Variants in CSMD2 observed in about 807,000 individuals in gnomAD.
The protein encoded by CSMD2 is CUB and Sushi multiple domains 2.
CSMD2 carries 130 observed loss-of-function variants against 398.5 expected under a neutral mutation model. That is an observed-to-expected ratio of 0.33 (90% CI 0.28 to 0.38). The LOEUF (loss-of-function observed/expected upper bound fraction) is 0.38. Ranked by LOEUF, CSMD2 falls within the 10% of genes least tolerant of loss-of-function variation. The pLI is 1.00. For synonymous variants in CSMD2, 1,828 were observed against 1,908.5 expected (o/e 0.96, Z 1.10); for missense variants, 3,829 against 4,764.9 (o/e 0.80, Z 5.78).
intron 46 of CSMD2, among the ~76,000 whole-genome samples, chr1:33,584,386 T>C (rs1257829242): frequency 6.6e-6 from 1 of 152,156 alleles, no homozygotes; most frequent in East Asian, 1.9e-4. Flanking sequence ...TATAAAATAT[T>C]ACATGCTGGG....
intron 3 of CSMD2, among the ~76,000 whole-genome samples, chr1:34,016,109 T>A (rs1354356109): frequency 6.6e-6 from 1 of 152,152 alleles, no homozygotes; most frequent in East Asian, 1.9e-4. Context: ...TTAAGATTTA[T>A]AGTTTATCAT....
chr1:33,681,172 C>T (rs376654799), intron 25 of CSMD2, among the ~76,000 whole-genome samples: 8 of 151,994 alleles, frequency 5.3e-5, no homozygotes, highest in African/African-American at 1.2e-4. Context: ...GATTCACCTC[C>T]CTCAGCCTCC....
chr1:33,691,393 T>C (rs1645234840), intron 25 of CSMD2, among the ~76,000 whole-genome samples: 1 of 152,170 alleles, frequency 6.6e-6, no homozygotes. Flanking sequence ...TCCCTAACAA[T>C]GCAAAGTCCC....
intron 1 of CSMD2, among the ~76,000 whole-genome samples, chr1:34,135,242 TCACACACACACACA>T (rs66898227): frequency 3.7e-5 from 5 of 135,604 alleles, no homozygotes; most frequent in South Asian, 2.4e-4. Context: ...CATGTTGAAA[TCACACACACACACA>T]CACACACACA....
chr1:34,082,778 C>T (rs7533819), intron 2 of CSMD2, among the ~76,000 whole-genome samples: 1,809 of 152,158 alleles, frequency 0.012, 27 homozygotes, highest in African/African-American at 0.04. Context: ...CCCCCAACCC[C>T]GTGCTCTCTG....
At chr1:33,815,102 G>T (rs1473140738) in intron 9 of CSMD2, among the ~76,000 whole-genome samples, 2 of 152,088 alleles carry the variant, frequency 1.3e-5, no homozygotes, top group African/African-American at 2.4e-5. Context: ...TTCATGGTTT[G>T]CCATCACAAT....
chr1:33,616,869 T>A, intron 39 of CSMD2, 37 bp downstream of exon 39: 1 of 1,545,248 alleles, frequency 6.5e-7, no homozygotes, highest in South Asian at 1.1e-5. Context: ...TGAGAGAAAA[T>A]TGGTTGGAAT....
At chr1:34,070,078 T>C (rs1415554334) in intron 2 of CSMD2, among the ~76,000 whole-genome samples, 3 of 152,202 alleles carry the variant, frequency 2.0e-5, no homozygotes, top group Admixed American at 6.5e-5. Flanking sequence ...CGGCACTATC[T>C]AATTAAAGAA....
chr1:33,968,713 G>T (rs1645648003), intron 3 of CSMD2, among the ~76,000 whole-genome samples: 1 of 152,162 alleles, frequency 6.6e-6, no homozygotes, highest in South Asian at 2.1e-4. Context: ...CTTGACAGCA[G>T]CCTTTTGAAA....
intron 13 of CSMD2, among the ~76,000 whole-genome samples, chr1:33,753,097 A>G (rs478316): frequency 0.38 from 57,448 of 151,946 alleles, 12,514 homozygotes; most frequent in African/African-American, 0.61. Flanking sequence ...TTGCAACCTG[A>G]CCCTGTGGTA....
intron 1 of CSMD2, among the ~76,000 whole-genome samples, chr1:34,091,518 A>G (rs1658559457): frequency 6.6e-6 from 1 of 152,186 alleles, no homozygotes; most frequent in Non-Finnish European, 1.5e-5. Flanking sequence ...TTTCTTCACC[A>G]TGATGCTGAT....
Position 34,040,408 on chromosome 1 carries a change from C to CCTTTT in CSMD2, c.405-7707_405-7703dup, listed in dbSNP as rs139988848. Among the ~76,000 whole-genome samples the CCTTTT allele has an allele frequency of 6.8e-3, 1,029 of 152,160 alleles. 11 individuals carry two copies. Among genetic ancestry groups the CCTTTT allele is most frequent in the East Asian group, 0.049 (252 of 5,176 alleles). On this transcript the variant is annotated intron_variant, in intron 2 of 70. Coordinates refer to ENST00000373381, the MANE Select transcript of CSMD2 (RefSeq NM_001281956.2). The stretch of plus-strand genomic sequence containing the variant: ...AACCTGACCTATCCTGACTGACATC[C>CCTTTT]CTTTTCTTTTCTTTTCTTTACTAGC...
At chr1:33,977,955 G>C (rs1245363595) in intron 3 of CSMD2, among the ~76,000 whole-genome samples, 3 of 148,144 alleles carry the variant, frequency 2.0e-5, no homozygotes, top group Non-Finnish European at 4.5e-5. Context: ...GATTCACAAT[G>C]TGGGAAGGGC....
chr1:33,569,433 G>A lies in CSMD2; in HGVS notation c.8072C>T (p.Ser2691Phe). ...SCNSGYTLVG[S>F]RVRECMANGL... ...ATTGGCCATGCACTCACGCACCCTG[G>A]AGCCCACCAGTGTGTATCCGGAATT... The change falls in exon 52 of 71, where the codon TCC (serine) becomes TTC (phenylalanine). Residue 2691 changes from serine to phenylalanine, a missense_variant. Coordinates refer to ENST00000373381, the MANE Select transcript of CSMD2 (RefSeq NM_001281956.2). The A allele has an allele frequency of 6.2e-7, 1 of 1,614,192 alleles. No homozygotes were observed.
At chr1:34,133,736 T>C (rs959353845) in intron 1 of CSMD2, among the ~76,000 whole-genome samples, 3 of 152,018 alleles carry the variant, frequency 2.0e-5, no homozygotes, top group Non-Finnish European at 2.9e-5. Context: ...TCTTGCTACT[T>C]AGTCAAAGAG....
rs1011534136 is a variant in CSMD2, at chr1:34,083,690, G to A, written c.404+5287C>T. ...TAGCACTTTGGGAGATGGAGGCAAA[G>A]TGGATCACTTAAGCTCAGGAGTTTG... On this transcript the variant is annotated intron_variant, in intron 2 of 70. Coordinates refer to ENST00000373381, the MANE Select transcript of CSMD2 (RefSeq NM_001281956.2). Among the ~76,000 whole-genome samples the A allele has an allele frequency of 1.8e-4, 27 of 152,206 alleles. 1 individual carries two copies. Among genetic ancestry groups the A allele is most frequent in the Admixed American group, 1.4e-3 (21 of 15,282 alleles).
chr1:33,555,968 C>T (rs1264454964), intron 55 of CSMD2, among the ~76,000 whole-genome samples: 1 of 152,052 alleles, frequency 6.6e-6, no homozygotes, highest in Non-Finnish European at 1.5e-5. Context: ...TAAGCTGATT[C>T]TAACCCTCAT....
At chr1:34,066,293 C>T (rs766537637) in intron 2 of CSMD2, among the ~76,000 whole-genome samples, 3 of 152,082 alleles carry the variant, frequency 2.0e-5, no homozygotes, top group Admixed American at 6.5e-5. Context: ...GATCAGGAAG[C>T]GCTGTTCCAA....
At chr1:33,713,293 A>G (rs955331401) in intron 21 of CSMD2, among the ~76,000 whole-genome samples, 1 of 152,016 alleles carries the variant, frequency 6.6e-6, no homozygotes. Context: ...GGCTCCATGG[A>G]CTTGTCTCGG....
Sources: gnomAD v4.1 joint callset for allele counts (sites outside exome capture counted in the v4.1 genomes callset) on GRCh38, gnomAD v4.1.1 for gene constraint, MANE v1.5 for transcripts, NCBI Gene and HGNC (gene_info 2026-07-23, HGNC 2026-07-21) for gene names.